The following REEP1 variants were observed in gnomAD, a reference collection of about 807,000 sequenced individuals.
The protein encoded by REEP1 is receptor expression-enhancing protein 1.
A neutral mutation model predicts 40.3 loss-of-function variants in REEP1; 22 were observed. That is an observed-to-expected ratio of 0.55 (90% CI 0.39 to 0.78). The LOEUF (loss-of-function observed/expected upper bound fraction) is 0.78. REEP1 is among the 30% of genes least tolerant of loss of function. The probability of loss-of-function intolerance (pLI) is 0.00; values close to 1 mark genes in which losing one functional copy is unlikely to be tolerated. For missense variants in REEP1, 280 were observed against 361.1 expected (o/e 0.78, Z 1.82); for synonymous variants, 116 against 139.2 (o/e 0.83, Z 1.17).
intron 2 of REEP1, among the ~76,000 whole-genome samples, chr2:86,265,406 C>G (rs1186533286): frequency 1.3e-5 from 2 of 152,108 alleles, no homozygotes; most frequent in African/African-American, 4.8e-5. Flanking sequence ...TTTAAATATA[C>G]CTGCCCAAAC....
rs374280642 is a variant in REEP1 at position 86,282,157 on chromosome 2, C to T, written c.105+13G>A. 4 of 1,588,188 alleles carry T rather than the reference C, an allele frequency of 2.5e-6. No homozygotes were observed. Among genetic ancestry groups the T allele is most frequent in the Non-Finnish European group, 8.6e-7 (1 of 1,156,612 alleles). On this transcript the variant is annotated intron_variant, in intron 2 of 8. Coordinates refer to ENST00000538924, the MANE Select transcript of REEP1 (RefSeq NM_001371279.1). ...TCCAGCCAACCCGCTCGAAAATACA[C>T]AGTGCTACTTACATATTCCTTAATG...
At chr2:86,293,646 T>C (rs956646391) in intron 1 of REEP1, among the ~76,000 whole-genome samples, 2 of 152,248 alleles carry the variant, frequency 1.3e-5, no homozygotes, top group African/African-American at 4.8e-5. Flanking sequence ...ATTCAAATTA[T>C]ACAGGAAAGT....
intron 7 of REEP1, chr2:86,223,736 TC>T (rs879462429): frequency 2.9e-5 from 1 of 33,926 alleles, no homozygotes; most frequent in Non-Finnish European, 4.9e-5. Context: ...AAAATGCAAT[TC>T]TCTCTCTCTC....
At chr2:86,228,234 G>A (rs1389448105) in intron 6 of REEP1, among the ~76,000 whole-genome samples, 1 of 152,150 alleles carries the variant, frequency 6.6e-6, no homozygotes, top group Non-Finnish European at 1.5e-5. Flanking sequence ...GGCATGTGGT[G>A]AGTATGTTGG....
At chr2:86,309,188 C>T (rs935726241) in intron 1 of REEP1, among the ~76,000 whole-genome samples, 1 of 152,176 alleles carries the variant, frequency 6.6e-6, no homozygotes, top group Non-Finnish European at 1.5e-5. Context: ...GGGTGAGCTC[C>T]CTGCCACTTC....
At chr2:86,219,808 A>C (rs931583214) in intron 8 of REEP1, among the ~76,000 whole-genome samples, 162 bp downstream of exon 8, 1 of 152,132 alleles carries the variant, frequency 6.6e-6, no homozygotes, top group Non-Finnish European at 1.5e-5. Flanking sequence ...GCTGGATGCT[A>C]TCCAGTGACT....
intron 1 of REEP1, among the ~76,000 whole-genome samples, chr2:86,308,803 A>T (rs79519410): frequency 0.01 from 1,541 of 152,180 alleles, 26 homozygotes; most frequent in African/African-American, 0.035. Context: ...ACAGAAATGG[A>T]CTCAAACTGG....
chr2:86,223,035 G>A (rs1056550084), intron 7 of REEP1, among the ~76,000 whole-genome samples: 2 of 152,170 alleles, frequency 1.3e-5, no homozygotes, highest in African/African-American at 4.8e-5. Flanking sequence ...GTGGGAGGAG[G>A]GTCTCCCGCC....
chr2:86,268,431 GATAT>G (rs1235193554), intron 2 of REEP1, among the ~76,000 whole-genome samples: 1 of 152,118 alleles, frequency 6.6e-6, no homozygotes, highest in Non-Finnish European at 1.5e-5. Context: ...TATCAAACAG[GATAT>G]GTAAAAAGTC....
chr2:86,250,632 G>A (rs991955045), intron 5 of REEP1, among the ~76,000 whole-genome samples: 1 of 151,514 alleles, frequency 6.6e-6, no homozygotes, highest in African/African-American at 2.4e-5. Flanking sequence ...CCCCAACCCC[G>A]AGATCTGCCA....
intron 5 of REEP1, among the ~76,000 whole-genome samples, chr2:86,248,188 C>G (rs1284328242): frequency 2.0e-5 from 3 of 152,176 alleles, no homozygotes; most frequent in Non-Finnish European, 4.4e-5. Context: ...AATTCCAGCC[C>G]AGTGTGCTGA....
At chr2:86,273,960 G>A (rs1677603688) in intron 2 of REEP1, among the ~76,000 whole-genome samples, 1 of 152,226 alleles carries the variant, frequency 6.6e-6, no homozygotes, top group Non-Finnish European at 1.5e-5. Flanking sequence ...AATAGGTACT[G>A]AATGAGTATG....
At chr2:86,255,721 A>C (rs540002296) in intron 3 of REEP1, among the ~76,000 whole-genome samples, 1 of 152,330 alleles carries the variant, frequency 6.6e-6, no homozygotes, top group South Asian at 2.1e-4. Context: ...TAAAATAATC[A>C]CAAATAATAT....
intron 1 of REEP1, among the ~76,000 whole-genome samples, chr2:86,311,785 T>C (rs894663727): frequency 1.3e-5 from 2 of 152,164 alleles, no homozygotes; most frequent in Non-Finnish European, 2.9e-5. Context: ...TTCAACCCAA[T>C]GTAGACACTG....
upstream of REEP1, among the ~76,000 whole-genome samples, chr2:86,337,867 C>G (rs1404305434): frequency 1.3e-5 from 2 of 152,098 alleles, no homozygotes; most frequent in African/African-American, 2.4e-5. The surrounding 1 kb of genome is among the most constrained non-coding windows in gnomAD (Gnocchi z 5.8). Context: ...GCAGCGGCCC[C>G]GTTTGCAGGG....
At chr2:86,314,802 C>T (rs1427474365) in intron 1 of REEP1, among the ~76,000 whole-genome samples, 1 of 149,496 alleles carries the variant, frequency 6.7e-6, no homozygotes, top group Admixed American at 6.6e-5. Flanking sequence ...AATCAATCTT[C>T]CCACCTCAGC....
At chr2:86,272,957 T>C (rs1471173476) in intron 2 of REEP1, among the ~76,000 whole-genome samples, 3 of 151,996 alleles carry the variant, frequency 2.0e-5, no homozygotes, top group African/African-American at 7.3e-5. Context: ...ACCCCGTCTC[T>C]ATAAAAAAAC....
At chr2:86,225,889 G>C (rs916609764) in intron 7 of REEP1, among the ~76,000 whole-genome samples, 1 of 152,206 alleles carries the variant, frequency 6.6e-6, no homozygotes, top group Non-Finnish European at 1.5e-5. Context: ...ATTAGTCCAG[G>C]ACCCTCACTA....
At position 86,252,068 on chromosome 2, in the gene REEP1, T is replaced by C; in HGVS notation, c.306A>G (p.Glu102=). 1 of 1,610,366 alleles carries C rather than the reference T, an allele frequency of 6.2e-7. No homozygotes were observed. Among genetic ancestry groups the C allele is most frequent in the Non-Finnish European group, 8.5e-7 (1 of 1,176,670 alleles). The change falls in exon 5 of 9, where the codon GAA becomes GAG. Residue 102 remains glutamate, a splice_region_variant and synonymous_variant. Coordinates refer to ENST00000538924, the MANE Select transcript of REEP1 (RefSeq NM_001371279.1). The part of the protein sequence containing the change: ...VHPTLSSKEK[E]IDDCLVQAKD... ...TTGCTTGGACCAGACAATCATCGAT[T>C]TCCTGTCAAAGGAAAAACAGAGGCA...
Sources: gnomAD v4.1 joint callset for allele counts (sites outside exome capture counted in the v4.1 genomes callset) on GRCh38, gnomAD v4.1.1 for gene constraint, Gnocchi (gnomAD v3.1) non-coding constraint, MANE v1.5 for transcripts, NCBI Gene and HGNC (gene_info 2026-07-23, HGNC 2026-07-21) for gene names.